The following PLS1 variants were observed in gnomAD, a reference collection of about 807,000 sequenced individuals.
PLS1 encodes the protein plastin-1.
In PLS1, 32 loss-of-function variants were observed where a neutral mutation model predicts 73.7. The ratio of observed to expected loss-of-function variants is 0.43; its 90% CI spans 0.33 to 0.58. The LOEUF (loss-of-function observed/expected upper bound fraction) is 0.58, where lower values mean the gene tolerates loss of function less well. Ranked by LOEUF, PLS1 falls within the 20% of genes least tolerant of loss-of-function variation. PLS1 has a pLI of 0.04. For synonymous variants in PLS1, 217 were observed against 261.3 expected (o/e 0.83, Z 1.63); for missense variants, 633 against 740.5 (o/e 0.85, Z 1.68).
chr3:142,619,783 T>G (rs1159049469), intron 1 of PLS1: 1 of 152,202 alleles, frequency 6.6e-6, no homozygotes, highest in Non-Finnish European at 1.5e-5. Flanking sequence ...TAATAATGTC[T>G]CATATAAGCA....
chr3:142,637,200 C>A (rs1452080653), intron 1 of PLS1, among the ~76,000 whole-genome samples: 1 of 152,082 alleles, frequency 6.6e-6, no homozygotes, highest in Non-Finnish European at 1.5e-5. Flanking sequence ...GAACACTACT[C>A]AGAAATATAA....
intron 1 of PLS1, among the ~76,000 whole-genome samples, chr3:142,617,692 A>C (rs1400450412): frequency 2.6e-5 from 4 of 151,960 alleles, no homozygotes; most frequent in Non-Finnish European, 5.9e-5. Flanking sequence ...AAACTACTAC[A>C]CCTGGCCGGG....
chr3:142,650,763 T>C (rs2037069351), intron 1 of PLS1, among the ~76,000 whole-genome samples: 1 of 152,184 alleles, frequency 6.6e-6, no homozygotes, highest in Admixed American at 6.5e-5. Context: ...CTCGAAGTGT[T>C]AATACAGACA....
intron 1 of PLS1, among the ~76,000 whole-genome samples, chr3:142,633,969 G>C (rs1343221661): frequency 6.6e-6 from 1 of 152,144 alleles, no homozygotes; most frequent in Non-Finnish European, 1.5e-5. Context: ...GAGTTAAGTG[G>C]AGACATAGAA....
intron 1 of PLS1, among the ~76,000 whole-genome samples, chr3:142,659,073 G>A (rs186798647): frequency 3.3e-5 from 5 of 152,266 alleles, no homozygotes; most frequent in Admixed American, 1.3e-4. Context: ...AGATAAATGC[G>A]TAGTGAGCTC....
At chr3:142,676,123 A>C in intron 4 of PLS1, 34 bp from the exon 5 acceptor site, 1 of 1,593,260 alleles carries the variant, frequency 6.3e-7, no homozygotes, top group Non-Finnish European at 8.5e-7. Context: ...AGTTTGTGAA[A>C]TGAGATTTGC....
At chr3:142,665,164 C>T (rs1370574114) in intron 2 of PLS1, among the ~76,000 whole-genome samples, 30 of 151,810 alleles carry the variant, frequency 2.0e-4, no homozygotes, top group Admixed American at 2.0e-3. Flanking sequence ...AGAAAATGAT[C>T]ACCGCTGGTC....
chr3:142,670,593 A>G (rs2037584538), intron 3 of PLS1, among the ~76,000 whole-genome samples: 1 of 152,226 alleles, frequency 6.6e-6, no homozygotes, highest in African/African-American at 2.4e-5. Flanking sequence ...CTGTAAGCCT[A>G]TGTTATTTCC....
At chr3:142,655,219 G>A (rs548951057) in intron 1 of PLS1, among the ~76,000 whole-genome samples, 1 of 152,294 alleles carries the variant, frequency 6.6e-6, no homozygotes, top group South Asian at 2.1e-4. Flanking sequence ...GAAGTCTTAT[G>A]CCAATGGGAA....
chr3:142,705,783 A>G (rs965490667), intron 14 of PLS1, among the ~76,000 whole-genome samples: 1 of 152,240 alleles, frequency 6.6e-6, no homozygotes, highest in African/African-American at 2.4e-5. Context: ...CCAAAAACTA[A>G]GACCCAAAAC....
Position 142,662,738 on chromosome 3 carries a change from T to C in PLS1, c.-36-1464T>C, listed in dbSNP as rs535008725. Among the ~76,000 whole-genome samples, 4 of 152,332 alleles carry C rather than the reference T, an allele frequency of 2.6e-5. No homozygotes were observed. The East Asian group carries it at 7.7e-4, about 29-fold the overall frequency. On this transcript the variant is annotated intron_variant, in intron 1 of 15. Coordinates refer to ENST00000457734, the MANE Select transcript of PLS1 (RefSeq NM_001145319.2). ...GAAAAATTAGAAGCAGTACAAATAC[T>C]CTGAAAGAGGGGATTTACCAAATAA...
intron 1 of PLS1, among the ~76,000 whole-genome samples, chr3:142,614,473 C>G (rs948308556): frequency 6.6e-6 from 1 of 152,056 alleles, no homozygotes; most frequent in Admixed American, 6.6e-5. Flanking sequence ...CTGGCTTAGC[C>G]CAGTGTTACC....
intron 12 of PLS1, among the ~76,000 whole-genome samples, chr3:142,701,227 C>T (rs953170345): frequency 6.6e-6 from 1 of 152,160 alleles, no homozygotes; most frequent in Non-Finnish European, 1.5e-5. Context: ...GGTTCTTGGG[C>T]CAAAGGTCTT....
At chr3:142,702,232 T>TA (rs1380027782) in intron 12 of PLS1, among the ~76,000 whole-genome samples, 2 of 152,158 alleles carry the variant, frequency 1.3e-5, no homozygotes, top group Admixed American at 6.5e-5. Context: ...CCTTGGATTT[T>TA]AAAAAAATGA....
chr3:142,605,982 G>A (rs542234387), intron 1 of PLS1, among the ~76,000 whole-genome samples: 1 of 152,152 alleles, frequency 6.6e-6, no homozygotes, highest in African/African-American at 2.4e-5. Flanking sequence ...CTTAATTGAA[G>A]TATTTCTGCA....
intron 2 of PLS1, among the ~76,000 whole-genome samples, chr3:142,668,238 A>G (rs950409460): frequency 6.6e-6 from 1 of 152,192 alleles, no homozygotes; most frequent in African/African-American, 2.4e-5. Flanking sequence ...CCCGGCCTCT[A>G]GGGAAAACCT....
chr3:142,697,815 A>G (rs1034009282), intron 11 of PLS1, 138 bp from the exon 12 acceptor site: 5 of 548,514 alleles, frequency 9.1e-6, no homozygotes, highest in Non-Finnish European at 1.6e-5. Flanking sequence ...TTCTGGGTCA[A>G]ATGATATGTC....
rs140542093 is a variant in PLS1, at chr3:142,650,535, C to T, written c.-36-13667C>T. On this transcript the variant is annotated intron_variant, in intron 1 of 15. Coordinates refer to ENST00000457734, the MANE Select transcript of PLS1 (RefSeq NM_001145319.2). ...ATAACGCTTTACAAAAGCCTTGTTACGTCTTGTTGGCTCCAGCTGGATTTT... is the reference window on the plus strand; with the variant it reads ...ATAACGCTTTACAAAAGCCTTGTTATGTCTTGTTGGCTCCAGCTGGATTTT... Among the ~76,000 whole-genome samples, 633 of 152,182 alleles carry T rather than the reference C, an allele frequency of 4.2e-3. 5 individuals carry two copies. The highest frequency in any genetic ancestry group is 0.014 in the African/African-American group (591 of 41,526).
chr3:142,610,917 A>C (rs1402769551), intron 1 of PLS1, among the ~76,000 whole-genome samples: 1 of 152,184 alleles, frequency 6.6e-6, no homozygotes, highest in Admixed American at 6.5e-5. Flanking sequence ...ACCATTGTAG[A>C]GCTAACAGTC....
Sources: gnomAD v4.1 joint callset for allele counts (sites outside exome capture counted in the v4.1 genomes callset) on GRCh38, gnomAD v4.1.1 for gene constraint, MANE v1.5 for transcripts, NCBI Gene and HGNC (gene_info 2026-07-23, HGNC 2026-07-21) for gene names.